The following ZNF8 variants were observed in gnomAD, a reference collection of about 807,000 sequenced individuals.
The protein encoded by ZNF8 is zinc finger protein 272.
A neutral mutation model predicts 12.2 loss-of-function variants in ZNF8; 9 were observed. The ratio of observed to expected loss-of-function variants is 0.73; its 90% CI spans 0.44 to 1.28. The LOEUF is 1.28. Among genes scored for constraint, ZNF8 ranks in the 50% most tolerant of loss-of-function variants. ZNF8 has a pLI of 0.00. For missense variants in ZNF8, 664 were observed against 729.1 expected (o/e 0.91, Z 1.03); for synonymous variants, 274 against 282.3 (o/e 0.97, Z 0.30).
intron 3 of ZNF8, among the ~76,000 whole-genome samples, chr19:58,291,298 T>C (rs2051418114): frequency 6.6e-6 from 1 of 152,186 alleles, no homozygotes; most frequent in Non-Finnish European, 1.5e-5. Context: ...GGAGACTCCA[T>C]GGCTTCCCAT....
chr19:58,301,816 A>G lies in ZNF8; in HGVS notation c.*6280A>G, dbSNP rs1211849305. 6.6e-6 allele frequency: 1 copy of G among 152,244 alleles called. No individual in the cohort carries two copies. The highest frequency in any genetic ancestry group is 1.5e-5 in the Non-Finnish European group (1 of 68,042). The allele number at this position is 152,244 out of a possible 1,614,324, so 9.4% of individuals were successfully genotyped here. On this transcript the variant is annotated 3_prime_UTR_variant, in exon 4 of 4. Coordinates refer to ENST00000621650, the MANE Select transcript of ZNF8 (RefSeq NM_021089.3). ...ATACATCTTCTATGAAGGGCAGTTT[A>G]TCAGTCACTAAATTACAAATACATA...
intron 3 of ZNF8, chr19:58,286,469 C>T: frequency 2.8e-6 from 1 of 359,768 alleles, no homozygotes; most frequent in South Asian, 3.4e-5. Flanking sequence ...ATGTGCCAGG[C>T]TCCCCCAGCA....
At chr19:58,290,189 T>C (rs917038715) in intron 3 of ZNF8, among the ~76,000 whole-genome samples, 1 of 136,782 alleles carries the variant, frequency 7.3e-6, no homozygotes, top group Non-Finnish European at 1.5e-5. Flanking sequence ...TCTCGGCTCA[T>C]TGCAAGCTCC....
In ZNF8 at chr19:58,279,131, C is replaced by G. The variant is rs377670362; in HGVS notation, c.50C>G (p.Pro17Arg). 6.4e-7 allele frequency: 1 copy of G among 1,559,654 alleles called. No individual in the cohort carries two copies. Among genetic ancestry groups the G allele is most frequent in the East Asian group, 2.4e-5 (1 of 41,610 alleles). Reference sequence around the variant, plus strand: ...GCGGGAGTGATGTCTGTGGGGCCGCCGGCGGCCCGGCTTCAGGTAACAATA... The same window carrying G: ...GCGGGAGTGATGTCTGTGGGGCCGCGGGCGGCCCGGCTTCAGGTAACAATA... ...GVAGVMSVGP[P>R]AARLQEPVTF... The change falls in exon 1 of 4, where the codon CCG becomes CGG. Residue 17 changes from proline (P) to arginine (R), a missense_variant. By Grantham distance (103) the Pro-to-Arg change is moderately radical. Around this residue, in one of 3 missense-constraint regions of ZNF8, gnomAD observed 306 missense variants for 308.7 expected, o/e 0.99. Transcript: ENST00000621650.
In ZNF8 at chr19:58,295,100, TG is replaced by T; in HGVS notation, c.1293del (p.Ile432SerfsTer23). 1 of 1,614,044 alleles carries T rather than the reference TG, an allele frequency of 6.2e-7. No homozygotes were observed. Among genetic ancestry groups the T allele is most frequent in the Non-Finnish European group, 8.5e-7 (1 of 1,180,020 alleles). On this transcript the variant is annotated frameshift_variant, in exon 4 of 4. Coordinates refer to ENST00000621650, the MANE Select transcript of ZNF8 (RefSeq NM_021089.3). LOFTEE classifies it low-confidence loss of function (END_TRUNC). ...AAGCCCTTTGAGTGCCGCCAGAGGC[TG>T]ATCTTTGAGCAGACGCCAGCTCTCA... ...GEKPFECRQRLIFEQTPALTK... is the reference protein window; with the variant it reads ...GEKPFECRQRXIFEQTPALTK...
At chr19:58,289,962 A>G (rs1274404003) in intron 3 of ZNF8, among the ~76,000 whole-genome samples, 4 of 151,744 alleles carry the variant, frequency 2.6e-5, no homozygotes, top group Non-Finnish European at 4.4e-5. Context: ...ATGCCCAGCT[A>G]ATTTTTTGTA....
At chr19:58,286,245 C>A in intron 3 of ZNF8, 40 bp downstream of exon 3, 1 of 1,579,194 alleles carries the variant, frequency 6.3e-7, no homozygotes. Flanking sequence ...TGGGAGCAGC[C>A]TAGCAGGTCA....
At chr19:58,290,751 A>G (rs1419147987) in intron 3 of ZNF8, among the ~76,000 whole-genome samples, 2 of 152,102 alleles carry the variant, frequency 1.3e-5, no homozygotes, top group Non-Finnish European at 2.9e-5. Flanking sequence ...ACAGAGCATT[A>G]AAAAATAAAG....
rs758111446 is a variant in ZNF8 at position 58,294,155 on chromosome 19, A to C, written c.347A>C (p.Glu116Ala). The change falls in exon 4 of 4, where the codon GAG becomes GCG. Residue 116 changes from glutamate (E) to alanine (A), a missense_variant. Physicochemically the swap from Glu to Ala is moderately radical, Grantham distance 107. Around this residue, in one of 3 missense-constraint regions of ZNF8, gnomAD observed 306 missense variants for 308.7 expected, o/e 0.99. Coordinates refer to ENST00000621650, the MANE Select transcript of ZNF8 (RefSeq NM_021089.3). The surrounding 1 kb of genome is among the most constrained non-coding windows in gnomAD (Gnocchi z 5.5). Reference protein sequence around the residue: ...ASRKEEGLPEEEPSHVTGREG... With the variant: ...ASRKEEGLPEAEPSHVTGREG... ...CGCAAGGAAGAGGGCCTGCCTGAAG[A>C]GGAGCCATCCCATGTCACGGGAAGG... 6.2e-7 allele frequency: 1 copy of C among 1,613,376 alleles called. No homozygotes were observed. The highest frequency in any genetic ancestry group is 8.5e-7 in the Non-Finnish European group (1 of 1,179,432).
chr19:58,282,369 T>G (rs2051355786), intron 1 of ZNF8, among the ~76,000 whole-genome samples: 1 of 152,256 alleles, frequency 6.6e-6, no homozygotes, highest in Non-Finnish European at 1.5e-5. Flanking sequence ...GTTCATTACA[T>G]ATTCTAGATA....
intron 3 of ZNF8, among the ~76,000 whole-genome samples, chr19:58,287,248 A>C (rs1275633337): frequency 6.6e-6 from 1 of 151,716 alleles, no homozygotes; most frequent in African/African-American, 2.4e-5. Context: ...CCATCTTGCC[A>C]GGCTGGGCTC....
At chr19:58,281,958 C>A (rs946950323) in intron 1 of ZNF8, among the ~76,000 whole-genome samples, 1 of 151,876 alleles carries the variant, frequency 6.6e-6, no homozygotes, top group African/African-American at 2.4e-5. Context: ...ACTAAAAGTA[C>A]AAAAATTAGC....
At position 58,295,529 on chromosome 19, in the gene ZNF8, C is replaced by T; in HGVS notation, c.1721C>T (p.Ser574Phe). 6.3e-7 allele frequency: 1 copy of T among 1,598,052 alleles called. No homozygotes were observed. Among genetic ancestry groups the T allele is most frequent in the Non-Finnish European group, 8.5e-7 (1 of 1,171,706 alleles). ...GASMLFDIRE[S>F]T ...TCCATGTTATTTGACATCAGAGAAT[C>T]CACATAGGAGAGAAACTTTGCTGAT... The change falls in exon 4 of 4, where the codon TCC (serine) becomes TTC (phenylalanine). Residue 574 changes from serine to phenylalanine, a missense_variant. Ser to Phe is a radical substitution (Grantham distance 155). Around this residue, in one of 3 missense-constraint regions of ZNF8, gnomAD observed 225 missense variants for 222.0 expected, o/e 1.01. Transcript: ENST00000621650.
rs35762006 is a variant in ZNF8, at chr19:58,287,865, C to CTTTT, written c.289+1673_289+1676dup. Among the ~76,000 whole-genome samples, 32 of 115,664 alleles carry CTTTT rather than the reference C, an allele frequency of 2.8e-4. 2 individuals are homozygous for CTTTT. The highest frequency in any genetic ancestry group is 3.7e-4 in the African/African-American group (11 of 29,812). The allele number at this position is 115,664 out of a possible 152,430, so 75.9% of individuals were successfully genotyped here. On this transcript the variant is annotated intron_variant, in intron 3 of 3. Transcript: ENST00000621650. ...TTTCTTTTTTTTTCTTTCTTTCTTC[C>CTTTT]TTTTTTTTTTTTTTTTAGAGATGGG...
intron 3 of ZNF8, among the ~76,000 whole-genome samples, chr19:58,290,086 G>A (rs1276883887): frequency 2.0e-5 from 3 of 146,426 alleles, no homozygotes; most frequent in African/African-American, 7.6e-5. Context: ...GTGAGCCACC[G>A]CGCCTGGCCC....
Position 58,285,631 on chromosome 19 carries a change from C to T in ZNF8, c.67-86C>T, listed in dbSNP as rs1257946930. On this transcript the variant is annotated intron_variant, in intron 1 of 3. Transcript: ENST00000621650. ...TGCAGTCTCTCGTGACACAGGCCTG[C>T]CTGTTTTCTCCTTTTCCATTCTTCC... is the stretch of plus-strand genomic sequence containing the variant. The T allele has an allele frequency of 2.5e-6, 4 of 1,597,994 alleles. No homozygotes were observed. The East Asian group carries it at 6.7e-5, about 27-fold the overall frequency.
chr19:58,294,818 G>C lies in ZNF8; in HGVS notation c.1010G>C (p.Gly337Ala). Residue 337 changes from glycine (G) to alanine (A), a missense_variant, in exon 4 of 4, where the codon GGG (glycine) becomes GCG (alanine). Physicochemically the swap from Gly to Ala is moderately conservative, Grantham distance 60. Around this residue, in one of 3 missense-constraint regions of ZNF8, gnomAD observed 133 missense variants for 198.4 expected, o/e 0.67. Transcript: ENST00000621650. This position sits in a 1 kb window ranked among gnomAD's most constrained non-coding sequence, Gnocchi z 5.5. ...ACCGTCCATCGGAGGATTCACACTG[G>C]GGAGAAGCCCTATGAGTGTCAGGAC... is the stretch of plus-strand genomic sequence containing the variant. Reference protein sequence around the residue: ...HLTVHRRIHTGEKPYECQDCG... With the variant: ...HLTVHRRIHTAEKPYECQDCG... 1 of 1,614,156 alleles carries C rather than the reference G, an allele frequency of 6.2e-7. No homozygotes were observed. The highest frequency in any genetic ancestry group is 8.5e-7 in the Non-Finnish European group (1 of 1,180,028).
In ZNF8 at chr19:58,285,806, C is replaced by T; in HGVS notation, c.156C>T (p.Asp52=). ...LDPTQRILYR[D]VMLETFGHLL... ...CTACCCAGAGGATCCTCTACCGTGA[C>T]GTGATGCTGGAGACCTTTGGTCACC... The change falls in exon 2 of 4, where the codon GAC becomes GAT. Residue 52 remains aspartate, a synonymous_variant. Transcript: ENST00000621650. 9 of 1,613,812 alleles carry T rather than the reference C, an allele frequency of 5.6e-6. No individual in the cohort carries two copies. The highest frequency in any genetic ancestry group is 1.6e-4 in the Middle Eastern group (1 of 6,062).
Position 58,295,192 on chromosome 19 carries a change from C to T in ZNF8, c.1384C>T (p.Arg462Ter), listed in dbSNP as rs1192790847. ...TTTGAGTCAAGATGAGAGGACTCACCGAAGCGACAGACCCTTCAAATGTAA... is the reference window on the plus strand; with the variant it reads ...TTTGAGTCAAGATGAGAGGACTCACTGAAGCGACAGACCCTTCAAATGTAA... ...PPLSQDERTH[R>*]SDRPFKCNQC... The change falls in exon 4 of 4, where the codon CGA becomes TGA. Residue 462 changes from arginine (R) to a stop codon, truncating the protein, a stop_gained. Coordinates refer to ENST00000621650, the MANE Select transcript of ZNF8 (RefSeq NM_021089.3). LOFTEE classifies it low-confidence loss of function (END_TRUNC). The T allele has an allele frequency of 8.7e-6, 14 of 1,613,958 alleles. No homozygotes were observed. Among genetic ancestry groups the T allele is most frequent in the Admixed American group, 1.7e-5 (1 of 59,994 alleles).
Sources: gnomAD v4.1 joint callset for allele counts (sites outside exome capture counted in the v4.1 genomes callset) on GRCh38, gnomAD v4.1.1 for gene constraint, gnomAD v4.1.1 regional missense constraint, Gnocchi (gnomAD v3.1) non-coding constraint, MANE v1.5 for transcripts, NCBI Gene and HGNC (gene_info 2026-07-23, HGNC 2026-07-21) for gene names.